The following EPHA6 variants were observed in gnomAD, a reference collection of about 807,000 sequenced individuals.
EPHA6 encodes EPH receptor A6.
Under a neutral mutation model 112.0 loss-of-function variants are expected in EPHA6, and 50 were observed. The ratio of observed to expected loss-of-function variants is 0.45; its 90% CI spans 0.36 to 0.56. The LOEUF is 0.56. Among genes scored for constraint, EPHA6 ranks in the 20% least tolerant of loss-of-function variants. The probability of loss-of-function intolerance (pLI) is 0.00; values close to 1 mark genes in which losing one functional copy is unlikely to be tolerated. For missense variants in EPHA6, 1,280 were observed against 1,417.4 expected (o/e 0.90, Z 1.56); for synonymous variants, 529 against 490.7 (o/e 1.08, Z -1.03).
intron 6 of EPHA6, among the ~76,000 whole-genome samples, chr3:97,446,305 T>G (rs1264290028): frequency 6.7e-6 from 1 of 148,276 alleles, no homozygotes; most frequent in African/African-American, 2.6e-5. Flanking sequence ...TGATTCGGGC[T>G]GAAGAACCCC....
intron 3 of EPHA6, among the ~76,000 whole-genome samples, chr3:97,066,402 T>C (rs1295345216): frequency 1.3e-5 from 2 of 152,170 alleles, no homozygotes; most frequent in African/African-American, 4.8e-5. Flanking sequence ...AAGGTACTTT[T>C]ATATATTTGA....
chr3:96,974,132 A>G (rs2042426572), intron 2 of EPHA6, among the ~76,000 whole-genome samples: 1 of 145,234 alleles, frequency 6.9e-6, no homozygotes, highest in Admixed American at 6.9e-5. Flanking sequence ...AAGCTTTATT[A>G]TACTTATAAT....
intron 2 of EPHA6, among the ~76,000 whole-genome samples, chr3:96,899,251 AC>A (rs1400985942): frequency 6.6e-6 from 1 of 152,052 alleles, no homozygotes; most frequent in Non-Finnish European, 1.5e-5. Context: ...CTCCATCTTT[AC>A]ATGTCCATCT....
Position 97,592,741 on chromosome 3 carries a change from G to A in EPHA6, c.2512+4G>A. On this transcript the variant is annotated splice_donor_region_variant and intron_variant, in intron 12 of 17. Coordinates refer to ENST00000389672, the MANE Select transcript of EPHA6 (RefSeq NM_001080448.3). ...TTGCCCCCCAGGATTCCTGCTGGTA[G>A]GTATTTCAGGTGAAGTTTTCTGCCA... 6.3e-7 allele frequency: 1 copy of A among 1,576,858 alleles called. No homozygotes were observed. Among genetic ancestry groups the A allele is most frequent in the South Asian group, 1.2e-5 (1 of 85,114 alleles).
intron 3 of EPHA6, among the ~76,000 whole-genome samples, chr3:97,004,363 G>T (rs534490488): frequency 6.6e-6 from 1 of 152,262 alleles, no homozygotes; most frequent in Non-Finnish European, 1.5e-5. Flanking sequence ...GTGTCTTATT[G>T]TGGTTTTGAT....
At chr3:96,964,901 A>G (rs2042069027) in intron 2 of EPHA6, among the ~76,000 whole-genome samples, 1 of 152,204 alleles carries the variant, frequency 6.6e-6, no homozygotes, top group African/African-American at 2.4e-5. Context: ...GCTGAATTAA[A>G]TTTAAAGCAG....
chr3:96,851,736 A>T (rs1256198501), intron 1 of EPHA6, among the ~76,000 whole-genome samples: 1 of 152,148 alleles, frequency 6.6e-6, no homozygotes. Flanking sequence ...ATGAGAAGAT[A>T]CTAGCTTATG....
chr3:97,369,512 C>G (rs552903110), intron 5 of EPHA6, among the ~76,000 whole-genome samples: 46 of 152,228 alleles, frequency 3.0e-4, no homozygotes, highest in South Asian at 6.2e-4. Context: ...ACTTTAGCAA[C>G]TGGGTAAATG....
intron 11 of EPHA6, among the ~76,000 whole-genome samples, chr3:97,551,505 T>A (rs2093028640): frequency 6.6e-6 from 1 of 152,200 alleles, no homozygotes; most frequent in Non-Finnish European, 1.5e-5. Context: ...TGTTTTGGGA[T>A]TCTTAGCCCT....
chr3:97,296,873 G>T (rs898915232), intron 5 of EPHA6, among the ~76,000 whole-genome samples: 1 of 152,174 alleles, frequency 6.6e-6, no homozygotes, highest in Non-Finnish European at 1.5e-5. Flanking sequence ...GGTCCAAGCA[G>T]CATCATCCCA....
intron 3 of EPHA6, among the ~76,000 whole-genome samples, chr3:97,003,788 A>ACCCCCCCCC (rs551821028): frequency 6.7e-5 from 4 of 59,796 alleles, no homozygotes; most frequent in African/African-American, 2.5e-4. Context: ...CCTTCCCCTC[A>ACCCCCCCCC]CCCCCCCACC....
intron 11 of EPHA6, among the ~76,000 whole-genome samples, chr3:97,575,479 T>C (rs1041325205): frequency 6.6e-6 from 1 of 152,128 alleles, no homozygotes; most frequent in African/African-American, 2.4e-5. Flanking sequence ...AAAGTAAAAC[T>C]ACTCATTTCA....
intron 6 of EPHA6, among the ~76,000 whole-genome samples, chr3:97,405,815 GA>G (rs1423286630): frequency 6.6e-6 from 1 of 151,938 alleles, no homozygotes; most frequent in African/African-American, 2.4e-5. Context: ...AAATTCAGTT[GA>G]CAAATCCTTA....
intron 13 of EPHA6, among the ~76,000 whole-genome samples, chr3:97,636,420 T>C (rs2093945542): frequency 6.6e-6 from 1 of 152,080 alleles, no homozygotes; most frequent in African/African-American, 2.4e-5. Context: ...GCTAATAACA[T>C]CAAAGATTTT....
Position 97,736,082 on chromosome 3 carries a change from C to T in EPHA6, c.3092C>T (p.Pro1031Leu). Residue 1031 changes from proline (P) to leucine (L), a missense_variant, in exon 16 of 18, where the codon CCC (proline) becomes CTC (leucine). Around this residue, in one of 4 missense-constraint regions of EPHA6, gnomAD observed 145 missense variants for 153.3 expected, o/e 0.95. Transcript: ENST00000389672. Reference sequence around the variant, plus strand: ...TTCCTTGACAAACTGATCCGAAATCCCAGTGCCCTTCACACCCTGGTGGAG... The same window carrying T: ...TTCCTTGACAAACTGATCCGAAATCTCAGTGCCCTTCACACCCTGGTGGAG... Reference protein sequence around the residue: ...VSFLDKLIRNPSALHTLVEDI... With the variant: ...VSFLDKLIRNLSALHTLVEDI... 6.2e-7 allele frequency: 1 copy of T among 1,612,250 alleles called. No homozygotes were observed. The highest frequency in any genetic ancestry group is 8.5e-7 in the Non-Finnish European group (1 of 1,179,018).
At chr3:97,457,726 T>C (rs1560029344) in intron 7 of EPHA6, among the ~76,000 whole-genome samples, 1 of 151,962 alleles carries the variant, frequency 6.6e-6, no homozygotes, top group African/African-American at 2.4e-5. Flanking sequence ...CAAATGTTTA[T>C]AAAATAAACC....
chr3:97,569,135 C>T (rs572575453), intron 11 of EPHA6, among the ~76,000 whole-genome samples: 9 of 152,252 alleles, frequency 5.9e-5, no homozygotes, highest in African/African-American at 2.2e-4. Flanking sequence ...TACTAAAGTT[C>T]TGGTCAAATG....
At chr3:96,906,327 G>T (rs2038932179) in intron 2 of EPHA6, among the ~76,000 whole-genome samples, 1 of 151,928 alleles carries the variant, frequency 6.6e-6, no homozygotes, top group African/African-American at 2.4e-5. Context: ...ATGTGAAATG[G>T]GTCAAGTGTC....
chr3:97,533,032 C>T (rs2092712973), intron 11 of EPHA6, among the ~76,000 whole-genome samples: 1 of 151,838 alleles, frequency 6.6e-6, no homozygotes, highest in South Asian at 2.1e-4. Context: ...AAAAAGTTTA[C>T]AATTCCTCAA....
Sources: allele counts gnomAD v4.1 joint callset (sites outside exome capture counted in the v4.1 genomes callset), GRCh38; gene constraint gnomAD v4.1.1; regional missense constraint gnomAD v4.1.1; transcripts MANE v1.5; gene names NCBI Gene and HGNC (gene_info 2026-07-23, HGNC 2026-07-21).